Variants in ST7 observed in about 807,000 individuals in gnomAD.
The protein encoded by ST7 is suppression of tumorigenicity 7.
ST7 carries 28 observed loss-of-function variants against 78.7 expected under a neutral mutation model. The observed-to-expected ratio is 0.36, with a 90% CI of 0.26 to 0.49. The LOEUF is 0.49. Ranked by LOEUF, ST7 falls within the 20% of genes least tolerant of loss-of-function variation. The pLI, the probability that ST7 is intolerant of heterozygous loss-of-function variation, is 0.99. For missense variants in ST7, 418 were observed against 696.0 expected, an observed-to-expected ratio of 0.60 and a Z score of 4.49; for synonymous variants, 247 against 249.6, an observed-to-expected ratio of 0.99 and a Z score of 0.10.
intron 1 of ST7, among the ~76,000 whole-genome samples, chr7:116,963,057 C>G (rs890936298): frequency 1.3e-5 from 2 of 152,118 alleles, no homozygotes. Flanking sequence ...CCTCAGAAGG[C>G]TATATTCTAT....
At chr7:117,013,639 C>T (rs947800088) in intron 1 of ST7, among the ~76,000 whole-genome samples, 3 of 152,170 alleles carry the variant, frequency 2.0e-5, no homozygotes, top group African/African-American at 7.2e-5. Context: ...ATCAGCCTAG[C>T]CAATGTGGCG....
chr7:117,048,099 T>C (rs1797585496), intron 1 of ST7, among the ~76,000 whole-genome samples: 1 of 152,148 alleles, frequency 6.6e-6, no homozygotes, highest in South Asian at 2.1e-4. Context: ...TACTGTTCAT[T>C]AAGTGGAAGT....
intron 2 of ST7, among the ~76,000 whole-genome samples, chr7:117,108,153 A>G (rs550607614): frequency 6.6e-6 from 1 of 152,054 alleles, no homozygotes; most frequent in South Asian, 2.1e-4. Context: ...CTTGTTCATG[A>G]AGTCTTTGCC....
intron 12 of ST7, among the ~76,000 whole-genome samples, chr7:117,195,555 C>T (rs1810229830): frequency 6.6e-6 from 1 of 152,090 alleles, no homozygotes; most frequent in African/African-American, 2.4e-5. Flanking sequence ...CTAGGGAGGC[C>T]TCAGGAAACT....
At chr7:117,156,245 A>G (rs1037658318) in intron 9 of ST7, among the ~76,000 whole-genome samples, 47 of 152,234 alleles carry the variant, frequency 3.1e-4, no homozygotes, top group African/African-American at 1.1e-3. Context: ...CCTGATACAC[A>G]GTAACTACTC....
At chr7:117,140,843 T>G (rs183999629) in intron 9 of ST7, among the ~76,000 whole-genome samples, 1 of 152,248 alleles carries the variant, frequency 6.6e-6, no homozygotes, top group Admixed American at 6.5e-5. Context: ...ATGGTAGAGA[T>G]ATGTTTTGAA....
intron 1 of ST7, among the ~76,000 whole-genome samples, chr7:117,030,063 C>G (rs1297401186): frequency 1.3e-5 from 2 of 151,974 alleles, no homozygotes; most frequent in Admixed American, 6.6e-5. Flanking sequence ...AAAAAAAGAC[C>G]TGGGATTTTG....
chr7:117,113,610 T>C (rs968520050), intron 2 of ST7, among the ~76,000 whole-genome samples: 1 of 152,220 alleles, frequency 6.6e-6, no homozygotes, highest in African/African-American at 2.4e-5. Context: ...TCTTCCTCTT[T>C]AGAATAGGCA....
At chr7:116,959,966 A>C (rs1364833821) in intron 1 of ST7, 1 of 154,214 alleles carries the variant, frequency 6.5e-6, no homozygotes, top group Non-Finnish European at 1.5e-5. Flanking sequence ...TAATGAGTAT[A>C]CATGTTTTTT....
At chr7:117,104,804 T>C (rs776831705) in intron 2 of ST7, among the ~76,000 whole-genome samples, 20 of 152,096 alleles carry the variant, frequency 1.3e-4, no homozygotes, top group African/African-American at 4.6e-4. Flanking sequence ...CCTTGAAAGG[T>C]TGACAGAAAA....
chr7:117,207,701 T>C (rs554307006), intron 12 of ST7, among the ~76,000 whole-genome samples: 1 of 152,258 alleles, frequency 6.6e-6, no homozygotes, highest in Non-Finnish European at 1.5e-5. Context: ...TCATATTTTA[T>C]GTTTCAAATT....
chr7:116,968,664 C>T, intron 1 of ST7: 1 of 177,606 alleles, frequency 5.6e-6, no homozygotes, highest in Non-Finnish European at 1.2e-5. Flanking sequence ...AGATATTGAG[C>T]ACTCAGGGAA....
chr7:116,966,108 TTCTG>T (rs1793095761), intron 1 of ST7: 2 of 465,898 alleles, frequency 4.3e-6, no homozygotes, highest in Admixed American at 2.4e-5. Flanking sequence ...ACATGTTTTC[TTCTG>T]TCTGTAACAC....
chr7:117,179,407 A>G (rs528622866), intron 10 of ST7, among the ~76,000 whole-genome samples: 4 of 152,330 alleles, frequency 2.6e-5, no homozygotes, highest in African/African-American at 9.6e-5. Context: ...CCATGTACGC[A>G]GGACAGGGAA....
At chr7:117,102,498 C>T (rs1245725941) in intron 2 of ST7, among the ~76,000 whole-genome samples, 1 of 152,140 alleles carries the variant, frequency 6.6e-6, no homozygotes, top group Non-Finnish European at 1.5e-5. Flanking sequence ...CCAGCAGAAA[C>T]TGTTTTGCTA....
chr7:117,055,146 T>C (rs1409261743), intron 1 of ST7, among the ~76,000 whole-genome samples: 1 of 152,208 alleles, frequency 6.6e-6, no homozygotes, highest in Non-Finnish European at 1.5e-5. Context: ...CTCTGTGACA[T>C]GTGGGTACTG....
chr7:117,220,153 CA>C (rs1043599783), intron 14 of ST7, among the ~76,000 whole-genome samples: 2 of 152,216 alleles, frequency 1.3e-5, no homozygotes, highest in Non-Finnish European at 2.9e-5. Flanking sequence ...AGTAAATTTC[CA>C]AACACCAGCA....
In ST7 at chr7:116,976,833, T is replaced by C. The variant is rs117114704; in HGVS notation, c.151+23142T>C. Among the ~76,000 whole-genome samples the C allele has an allele frequency of 3.1e-3, 470 of 152,378 alleles. 2 individuals carry two copies. The highest frequency in any genetic ancestry group is 5.3e-3 in the Non-Finnish European group (361 of 68,034). The stretch of plus-strand genomic sequence containing the variant: ...AGATGCAAACTCCTGTTTCTCAACA[T>C]CTTCACTAGTCTTGATGTTACCCAA... On this transcript the variant is annotated intron_variant, in intron 1 of 15. Transcript: ENST00000323984.
chr7:117,219,242 A>G lies in ST7; in HGVS notation c.1498+66A>G. 1.5e-6 allele frequency: 2 copies of G among 1,312,556 alleles called. No homozygotes were observed. Among genetic ancestry groups the G allele is most frequent in the Non-Finnish European group, 1.1e-6 (1 of 932,608 alleles). 81.3% of individuals were successfully genotyped at this position (1,312,556 alleles called of 1,614,324 possible). On this transcript the variant is annotated intron_variant, in intron 14 of 15. Transcript: ENST00000323984. The surrounding 1 kb of genome is among the most constrained non-coding windows in gnomAD (Gnocchi z 5.1). The stretch of plus-strand genomic sequence containing the variant: ...AAAGGTGGGGATTGGAAGAGGTGGG[A>G]ATATCAAAGTTTAGAATGCTCCTTG...
Sources: gnomAD v4.1 joint callset for allele counts (sites outside exome capture counted in the v4.1 genomes callset) on GRCh38, gnomAD v4.1.1 for gene constraint, Gnocchi (gnomAD v3.1) non-coding constraint, MANE v1.5 for transcripts, NCBI Gene and HGNC (gene_info 2026-07-23, HGNC 2026-07-21) for gene names.